IMMP2L: variants seen among roughly 807,000 people sequenced by gnomAD.
The protein encoded by IMMP2L is inner mitochondrial membrane peptidase subunit 2.
IMMP2L carries 18 observed loss-of-function variants against 19.3 expected under a neutral mutation model. That is an observed-to-expected ratio of 0.93 (90% CI 0.64 to 1.38). The LOEUF is 1.38. Ranked by LOEUF, IMMP2L falls within the 40% of genes most tolerant of loss-of-function variation. The pLI, the probability that IMMP2L is intolerant of heterozygous loss-of-function variation, is 0.00. For missense variants in IMMP2L, 233 were observed against 218.2 expected (o/e 1.07, Z -0.43); for synonymous variants, 76 against 73.0 (o/e 1.04, Z -0.21).
At chr7:111,470,713 G>T (rs1229848643) in intron 3 of IMMP2L, among the ~76,000 whole-genome samples, 1 of 136,610 alleles carries the variant, frequency 7.3e-6, no homozygotes, top group Non-Finnish European at 1.6e-5. Flanking sequence ...ATCACACTCT[G>T]GGGACTGTTG....
At chr7:110,959,160 A>C (rs552321416) in intron 4 of IMMP2L, among the ~76,000 whole-genome samples, 1 of 152,120 alleles carries the variant, frequency 6.6e-6, no homozygotes, top group African/African-American at 2.4e-5. Flanking sequence ...ATAAGTCCTA[A>C]AAAACAGGAC....
At chr7:111,131,012 A>T (rs1013552877) in intron 3 of IMMP2L, among the ~76,000 whole-genome samples, 2 of 151,992 alleles carry the variant, frequency 1.3e-5, no homozygotes, top group African/African-American at 4.8e-5. Context: ...TTTTTTCAAG[A>T]TTTTAAAAAA....
At chr7:110,922,634 T>C (rs200055543) in intron 4 of IMMP2L, among the ~76,000 whole-genome samples, 12 of 152,278 alleles carry the variant, frequency 7.9e-5, no homozygotes, top group African/African-American at 2.6e-4. Flanking sequence ...CTTCACTTAA[T>C]CTACTGGTTG....
In IMMP2L at chr7:111,498,586, A is replaced by G. The variant is rs905640038; in HGVS notation, c.136-11245T>C. ...CAGAAAGGAAGTGATTCAACAAATA[A>G]CAAAGATTTTAGGAGGCTGCATGAT... On this transcript the variant is annotated intron_variant, in intron 2 of 5. Coordinates refer to ENST00000405709, the MANE Select transcript of IMMP2L (RefSeq NM_032549.4). Among the ~76,000 whole-genome samples, 13 of 152,140 alleles carry G rather than the reference A, an allele frequency of 8.5e-5. 1 individual carries two copies. The highest frequency in any genetic ancestry group is 2.4e-4 in the African/African-American group (10 of 41,434).
chr7:111,128,807 G>C (rs1268738586), intron 3 of IMMP2L, among the ~76,000 whole-genome samples: 1 of 152,146 alleles, frequency 6.6e-6, no homozygotes, highest in Admixed American at 6.5e-5. Flanking sequence ...GCTGGCAACA[G>C]AGTGAGACTC....
At chr7:111,063,350 A>G (rs1586034015) in intron 3 of IMMP2L, among the ~76,000 whole-genome samples, 1 of 152,312 alleles carries the variant, frequency 6.6e-6, no homozygotes, top group South Asian at 2.1e-4. Flanking sequence ...CACACAGCAC[A>G]GTGACTCTAG....
intron 3 of IMMP2L, among the ~76,000 whole-genome samples, chr7:111,027,621 T>G (rs1372394598): frequency 6.6e-6 from 1 of 152,020 alleles, no homozygotes; most frequent in East Asian, 1.9e-4. Context: ...AGGGTAGAAA[T>G]GCTCTTGGTC....
At chr7:110,713,186 T>G (rs907133535) in intron 5 of IMMP2L, among the ~76,000 whole-genome samples, 5 of 152,166 alleles carry the variant, frequency 3.3e-5, no homozygotes, top group Non-Finnish European at 5.9e-5. Context: ...CATTGCTTAT[T>G]TTTGTTGGGT....
chr7:111,476,871 A>G (rs1213822925), intron 3 of IMMP2L, among the ~76,000 whole-genome samples: 1 of 152,158 alleles, frequency 6.6e-6, no homozygotes, highest in African/African-American at 2.4e-5. Context: ...CTAAGGGCTC[A>G]TGTGATTGCA....
chr7:111,187,545 G>T (rs1808406079), intron 3 of IMMP2L, among the ~76,000 whole-genome samples: 1 of 152,124 alleles, frequency 6.6e-6, no homozygotes, highest in Admixed American at 6.5e-5. Context: ...ATAGTATGGA[G>T]CCTGTTGGAA....
At chr7:110,927,207 T>A (rs1814951060) in intron 4 of IMMP2L, among the ~76,000 whole-genome samples, 4 of 152,050 alleles carry the variant, frequency 2.6e-5, no homozygotes, top group Admixed American at 2.6e-4. Context: ...CTCCCTCCTG[T>A]CCAACATGCT....
At chr7:111,287,879 G>A (rs1820670791) in intron 3 of IMMP2L, among the ~76,000 whole-genome samples, 1 of 152,092 alleles carries the variant, frequency 6.6e-6, no homozygotes, top group African/African-American at 2.4e-5. Context: ...AAGAAATATT[G>A]GAGTCTATAA....
At chr7:111,063,224 T>C (rs760489561) in intron 3 of IMMP2L, among the ~76,000 whole-genome samples, 8 of 152,324 alleles carry the variant, frequency 5.3e-5, no homozygotes, top group Middle Eastern at 3.4e-3. Flanking sequence ...CAAAACCATG[T>C]GGAGCTGCCA....
intron 2 of IMMP2L, among the ~76,000 whole-genome samples, chr7:111,499,264 T>C (rs536961528): frequency 6.6e-6 from 1 of 152,238 alleles, no homozygotes; most frequent in African/African-American, 2.4e-5. Flanking sequence ...GAGGATGACA[T>C]AGAGCTCAGT....
Position 110,820,380 on chromosome 7 carries a change from C to G in IMMP2L, c.408+66213G>C, listed in dbSNP as rs1251152428. On this transcript the variant is annotated intron_variant, in intron 5 of 5. Transcript: ENST00000405709. ...AACTTACAAAACAAGAAAATCTCTT[C>G]TTATGTGTTTAATTCACCTAATAAA... is the stretch of plus-strand genomic sequence containing the variant. 2.0e-5 allele frequency among the ~76,000 whole-genome samples: 3 copies of G among 151,962 alleles called. No homozygotes were observed. The East Asian group carries it at 5.8e-4, about 29-fold the overall frequency.
intron 3 of IMMP2L, among the ~76,000 whole-genome samples, chr7:111,313,646 G>A (rs1823743913): frequency 6.6e-6 from 1 of 152,054 alleles, no homozygotes; most frequent in African/African-American, 2.4e-5. Flanking sequence ...AAATCCCAGA[G>A]TTACAGATGT....
intron 3 of IMMP2L, among the ~76,000 whole-genome samples, chr7:111,073,305 G>A (rs1175637707): frequency 6.6e-6 from 1 of 152,126 alleles, no homozygotes; most frequent in Non-Finnish European, 1.5e-5. Context: ...GAGCAAGAAT[G>A]AGAGTGGGTG....
intron 3 of IMMP2L, chr7:111,390,682 C>T (rs932004939): frequency 1.7e-4 from 26 of 152,230 alleles, no homozygotes; most frequent in African/African-American, 6.3e-4. Context: ...CCATTAGCTC[C>T]TGCTGCTTGT....
At chr7:111,490,236 G>T (rs997915051) in intron 2 of IMMP2L, among the ~76,000 whole-genome samples, 3 of 150,518 alleles carry the variant, frequency 2.0e-5, no homozygotes, top group Non-Finnish European at 4.4e-5. Flanking sequence ...AGGACTACAG[G>T]TCTACAAGTG....
Sources: allele counts gnomAD v4.1 joint callset (sites outside exome capture counted in the v4.1 genomes callset), GRCh38; gene constraint gnomAD v4.1.1; transcripts MANE v1.5; gene names NCBI Gene and HGNC (gene_info 2026-07-23, HGNC 2026-07-21).